PPP2R3B: variants seen among roughly 807,000 people sequenced by gnomAD.
The protein encoded by PPP2R3B is serine/threonine-protein phosphatase 2A regulatory subunit B'' subunit beta.
In PPP2R3B, 68 loss-of-function variants were observed where a neutral mutation model predicts 72.9. The ratio of observed to expected loss-of-function variants is 0.93; its 90% CI spans 0.77 to 1.14. The LOEUF (loss-of-function observed/expected upper bound fraction) is 1.14. PPP2R3B is among the 50% of genes most tolerant of loss of function. PPP2R3B has a pLI of 0.00. For synonymous variants in PPP2R3B, 466 were observed against 375.8 expected (o/e 1.24, Z -2.78); for missense variants, 1,018 against 842.0 (o/e 1.21, Z -2.59).
intron 10 of PPP2R3B, 100 bp from the exon 11 acceptor site, chrX:338,996 G>T: frequency 1.1e-6 from 1 of 950,630 alleles, no homozygotes; most frequent in South Asian, 1.3e-5. Context: ...TTAAGGACGC[G>T]GCACGAAGCT....
At position 355,804 on chromosome X, in the gene PPP2R3B, C is replaced by T. The variant is rs773669350; in HGVS notation, c.510+5601G>A. Among the ~76,000 whole-genome samples, 7 of 152,302 alleles carry T rather than the reference C, an allele frequency of 4.6e-5. No individual in the cohort carries two copies. In the East Asian group the frequency reaches 1.2e-3, roughly 25 times the overall value. On this transcript the variant is annotated intron_variant, in intron 2 of 12. Coordinates refer to ENST00000390665, the MANE Select transcript of PPP2R3B (RefSeq NM_013239.5). ...TTGACAGAAAGGAGGCCTGAGGTAG[C>T]GTGGGATGAGGGCAGGTGCGCGTCA... is the stretch of plus-strand genomic sequence containing the variant.
intron 5 of PPP2R3B, 119 bp from the exon 6 acceptor site, chrX:346,379 G>A (rs1569386743): frequency 4.1e-6 from 4 of 977,584 alleles, no homozygotes; most frequent in Non-Finnish European, 4.6e-6. Context: ...GGGCCGCCAG[G>A]GCACAGGCGG....
Position 381,072 on chromosome X carries a change from C to T in PPP2R3B, c.324+5296G>A, listed in dbSNP as rs184499965. ...CCTCACAAGCAGCTGAGACTTCAGG[C>T]ATGAACCACCATGCCTGGCTGATTT... On this transcript the variant is annotated intron_variant, in intron 1 of 12. Transcript: ENST00000390665. Among the ~76,000 whole-genome samples the T allele has an allele frequency of 5.1e-4, 78 of 152,048 alleles. 1 individual carries two copies. The highest frequency in any genetic ancestry group is 4.7e-3 in the Admixed American group (71 of 15,252).
chrX:334,827 G>T (rs1391567930), intron 12 of PPP2R3B: 2 of 338,514 alleles, frequency 5.9e-6, no homozygotes, highest in East Asian at 9.7e-5. Context: ...CACGGGACCT[G>T]TGTTTACAAC....
At chrX:380,507 C>T (rs1326953644) in intron 1 of PPP2R3B, among the ~76,000 whole-genome samples, 7 of 152,118 alleles carry the variant, frequency 4.6e-5, no homozygotes, top group South Asian at 4.1e-4. Flanking sequence ...CAGTACTGGC[C>T]GGGTGTGGTT....
Position 386,713 on chromosome X carries a change from G to GC in PPP2R3B, c.-23dup. 1 of 1,231,822 alleles carries GC rather than the reference G, an allele frequency of 8.1e-7. No homozygotes were observed. Among genetic ancestry groups the GC allele is most frequent in the South Asian group, 3.4e-5 (1 of 29,720 alleles). The allele number at this position is 1,231,822 out of a possible 1,614,324, so 76.3% of individuals were successfully genotyped here. ...GCATGGCGGGGGCTGGGCCCGCGGC[G>GC]CCCCCGGACGCCCGCGCCCCGCCCC... is the stretch of plus-strand genomic sequence containing the variant. On this transcript the variant is annotated 5_prime_UTR_variant, in exon 1 of 13. Coordinates refer to ENST00000390665, the MANE Select transcript of PPP2R3B (RefSeq NM_013239.5).
chrX:384,900 G>A (rs1171293315), intron 1 of PPP2R3B, among the ~76,000 whole-genome samples: 4 of 146,652 alleles, frequency 2.7e-5, no homozygotes, highest in South Asian at 2.1e-4. Context: ...GAGGAGAATC[G>A]CTTGAACCCG....
intron 1 of PPP2R3B, among the ~76,000 whole-genome samples, chrX:380,948 T>G (rs2072111325): frequency 1.3e-5 from 2 of 151,792 alleles, no homozygotes; most frequent in East Asian, 3.9e-4. Context: ...CTTTTTTTTT[T>G]TTTTAGAGAC....
intron 1 of PPP2R3B, among the ~76,000 whole-genome samples, chrX:367,566 C>T (rs1370497810): frequency 6.6e-6 from 1 of 152,098 alleles, no homozygotes; most frequent in African/African-American, 2.4e-5. Context: ...CCCGGCCAGC[C>T]ATTGACATTT....
Position 334,409 on chromosome X carries a change from C to T in PPP2R3B, c.1686G>A (p.Leu562=), listed in dbSNP as rs764892139. ...CCTCGTCCCCGCATGCGTACTCGTA[C>T]AGGTCCACGGCGCCCAGCGGTGAGG... ...EAPSPLGAVD[L]YEYACGDEDL... Residue 562 remains leucine (L), a synonymous_variant, in exon 13 of 13, where the codon CTG becomes CTA. Transcript: ENST00000390665. 5 of 1,587,448 alleles carry T rather than the reference C, an allele frequency of 3.1e-6. No homozygotes were observed. The highest frequency in any genetic ancestry group is 4.3e-6 in the Non-Finnish European group (5 of 1,173,232).
rs756794219 is a variant in PPP2R3B, at chrX:386,719, G to C, written c.-28C>G. The stretch of plus-strand genomic sequence containing the variant: ...CGGGGGCTGGGCCCGCGGCGCCCCC[G>C]GACGCCCGCGCCCCGCCCCGCCCCG... On this transcript the variant is annotated 5_prime_UTR_variant, in exon 1 of 13. Coordinates refer to ENST00000390665, the MANE Select transcript of PPP2R3B (RefSeq NM_013239.5). 9 of 1,223,642 alleles carry C rather than the reference G, an allele frequency of 7.4e-6. No individual in the cohort carries two copies. The East Asian group carries it at 2.1e-4, about 29-fold the overall frequency. The allele number at this position is 1,223,642 out of a possible 1,614,324, so 75.8% of individuals were successfully genotyped here. A position where few individuals can be genotyped will look rare whatever the true frequency, so the allele number is the denominator to read the frequency against.
Position 361,502 on chromosome X carries a change from G to A in PPP2R3B, c.413C>T (p.Ser138Phe). 6.2e-7 allele frequency: 1 copy of A among 1,614,028 alleles called. No individual in the cohort carries two copies. Among genetic ancestry groups the A allele is most frequent in the South Asian group, 1.1e-5 (1 of 91,084 alleles). The part of the protein sequence containing the change: ...FYFPRGRPQD[S>F]VNVDAVISKI... ...GCTGATGACGGCATCCACGTTGACG[G>A]AGTCCTGCGGGCGTCCTCTGGGGAA... Residue 138 changes from serine to phenylalanine, a missense_variant, in exon 2 of 13, where the codon TCC becomes TTC. Coordinates refer to ENST00000390665, the MANE Select transcript of PPP2R3B (RefSeq NM_013239.5).
intron 1 of PPP2R3B, among the ~76,000 whole-genome samples, chrX:378,086 C>T (rs1029286862): frequency 7.3e-5 from 11 of 149,774 alleles, no homozygotes; most frequent in South Asian, 2.1e-4. Flanking sequence ...GGGACGGGGC[C>T]GTCATAGCAT....
intron 6 of PPP2R3B, 30 bp from the exon 7 acceptor site, chrX:345,702 G>A (rs781513774): frequency 1.2e-6 from 2 of 1,608,320 alleles, no homozygotes; most frequent in Non-Finnish European, 1.7e-6. Flanking sequence ...GCCTGAGCGC[G>A]GGGCCTCTGC....
At position 334,344 on chromosome X, in the gene PPP2R3B, C is replaced by CG. The variant is rs771760549; in HGVS notation, c.*22dup. The CG allele has an allele frequency of 1.2e-5, 18 of 1,464,468 alleles. 1 individual carries two copies. The African/African-American group carries it at 2.1e-4, about 17-fold the overall frequency. 90.7% of individuals were successfully genotyped at this position (1,464,468 alleles called of 1,614,324 possible). Reference sequence around the variant, plus strand: ...TGGTGGCACGTGGGGAGCGGCCCCGCGGCGGCGTTCTCGCGGGCGGCGTCA... The same window carrying CG: ...TGGTGGCACGTGGGGAGCGGCCCCGCGGGCGGCGTTCTCGCGGGCGGCGTCA... On this transcript the variant is annotated 3_prime_UTR_variant, in exon 13 of 13. Transcript: ENST00000390665.
intron 1 of PPP2R3B, among the ~76,000 whole-genome samples, chrX:364,058 G>T (rs1223682545): frequency 6.6e-6 from 1 of 152,276 alleles, no homozygotes; most frequent in Non-Finnish European, 1.5e-5. Flanking sequence ...AGCCCGTGGA[G>T]CCTGAACAGG....
chrX:366,771 G>C (rs1267520521), intron 1 of PPP2R3B, among the ~76,000 whole-genome samples: 1 of 113,572 alleles, frequency 8.8e-6, no homozygotes, highest in Non-Finnish European at 1.9e-5. Context: ...GCTGAGGCAG[G>C]AGAATCGCTT....
intron 2 of PPP2R3B, among the ~76,000 whole-genome samples, chrX:356,954 A>ACGCCTTGGCCAGC (rs1478083673): frequency 6.7e-6 from 1 of 149,646 alleles, no homozygotes; most frequent in African/African-American, 2.5e-5. Flanking sequence ...CACAGTATCC[A>ACGCCTTGGCCAGC]CACCACAGGA....
intron 1 of PPP2R3B, among the ~76,000 whole-genome samples, chrX:364,520 A>G (rs866279676): frequency 2.0e-5 from 2 of 99,600 alleles, no homozygotes; most frequent in Non-Finnish European, 4.0e-5. Flanking sequence ...AAAAAAAAAA[A>G]CAAAAAAAAA....
Sources: allele counts gnomAD v4.1 joint callset (sites outside exome capture counted in the v4.1 genomes callset), GRCh38; gene constraint gnomAD v4.1.1; transcripts MANE v1.5; gene names NCBI Gene and HGNC (gene_info 2026-07-23, HGNC 2026-07-21).